The following HOXC6 variants were observed in gnomAD, a reference collection of about 807,000 sequenced individuals.
The protein encoded by HOXC6 is homeobox C6.
Under a neutral mutation model 24.0 loss-of-function variants are expected in HOXC6, and 10 were observed. The observed-to-expected ratio is 0.42, with a 90% CI of 0.26 to 0.71. The LOEUF is 0.71. Among genes scored for constraint, HOXC6 ranks in the 30% least tolerant of loss-of-function variants. The pLI is 0.28. For synonymous variants in HOXC6, 123 were observed against 128.1 expected (o/e 0.96, Z 0.27); for missense variants, 258 against 303.4 (o/e 0.85, Z 1.11).
upstream of HOXC6, among the ~76,000 whole-genome samples, chr12:54,026,129 G>T (rs1294063290): frequency 6.6e-6 from 1 of 152,066 alleles, no homozygotes; most frequent in Non-Finnish European, 1.5e-5. Context: ...ATTGGAGGGG[G>T]GGACAGAGTT....
chr12:54,023,400 G>C (rs186396434), intron 1 of HOXC6, among the ~76,000 whole-genome samples: 2 of 152,338 alleles, frequency 1.3e-5, no homozygotes, highest in African/African-American at 4.8e-5. Context: ...AGGTCAGGCA[G>C]AAATCTGGAA....
chr12:54,017,489 T>C (rs1028649724), intron 1 of HOXC6: 14 of 151,676 alleles, frequency 9.2e-5, no homozygotes, highest in African/African-American at 3.4e-4. Context: ...AGCAGCGGCT[T>C]CTCTTGGTTA....
At chr12:54,026,633 T>C (rs1440669073), upstream of HOXC6, among the ~76,000 whole-genome samples, 1 of 152,182 alleles carries the variant, frequency 6.6e-6, no homozygotes, top group Non-Finnish European at 1.5e-5. Context: ...CTGTATTTTC[T>C]AAAACCAACA....
upstream of HOXC6, among the ~76,000 whole-genome samples, chr12:54,026,435 A>C (rs1257444365): frequency 6.6e-6 from 1 of 152,160 alleles, no homozygotes; most frequent in Non-Finnish European, 1.5e-5. Context: ...CTGCCAAGTC[A>C]CCCCAAAAAT....
At chr12:54,028,317 A>T, upstream of HOXC6, 1 of 531,598 alleles carries the variant, frequency 1.9e-6, no homozygotes, top group Non-Finnish European at 3.3e-6. Context: ...ACTTAGTCTC[A>T]ACTAGGGAAT....
chr12:54,028,608 C>T lies in HOXC6; in HGVS notation c.87C>T (p.Thr29=), dbSNP rs756893125. Residue 29 remains threonine (T), a synonymous_variant, in exon 1 of 2, where the codon ACC becomes ACT. Coordinates refer to ENST00000243108, the MANE Select transcript of HOXC6 (RefSeq NM_004503.4). ...TCCCCAACGTCGCCCTCAATTCCAC[C>T]GCCTATGATCCAGTGAGGCATTTCT... ...DVLPNVALNS[T]AYDPVRHFST... 1.2e-6 allele frequency: 2 copies of T among 1,614,148 alleles called. No individual in the cohort carries two copies. Among genetic ancestry groups the T allele is most frequent in the East Asian group, 2.2e-5 (1 of 44,878 alleles).
intron 1 of HOXC6, among the ~76,000 whole-genome samples, chr12:54,023,080 C>A (rs140525985): frequency 6.6e-5 from 10 of 152,188 alleles, no homozygotes; most frequent in Non-Finnish European, 2.9e-5. Context: ...CATCTAAGCT[C>A]TCTCCCCATT....
upstream of HOXC6, among the ~76,000 whole-genome samples, chr12:54,024,027 T>G (rs2136426078): frequency 6.6e-6 from 1 of 152,330 alleles, no homozygotes; most frequent in East Asian, 1.9e-4. Context: ...TTTTAATTTC[T>G]AAATAAAAAA....
chr12:54,017,508 A>T (rs966494793), intron 1 of HOXC6: 3 of 148,042 alleles, frequency 2.0e-5, no homozygotes, highest in Admixed American at 2.0e-4. Flanking sequence ...TAGGGAGAAG[A>T]GGGGGCTGGC....
At chr12:54,024,352 C>G (rs1308921867), upstream of HOXC6, among the ~76,000 whole-genome samples, 1 of 152,140 alleles carries the variant, frequency 6.6e-6, no homozygotes, top group African/African-American at 2.4e-5. Context: ...GGTCCCCGAG[C>G]AGCCTCAGGA....
chr12:54,030,742 T>C lies in HOXC6; in HGVS notation c.*780T>C, dbSNP rs1282631558. 1 of 152,622 alleles carries C rather than the reference T, an allele frequency of 6.6e-6. No homozygotes were observed. Among genetic ancestry groups the C allele is most frequent in the Non-Finnish European group, 1.5e-5 (1 of 68,044 alleles). 9.5% of individuals were successfully genotyped at this position (152,622 alleles called of 1,614,324 possible). ...AAAATAAATAAATAAATAAATCCCT[T>C]CGTGTTACCCTCCTGTATAAATCCA... is the stretch of plus-strand genomic sequence containing the variant. On this transcript the variant is annotated 3_prime_UTR_variant, in exon 2 of 2. Coordinates refer to ENST00000243108, the MANE Select transcript of HOXC6 (RefSeq NM_004503.4).
intron 1 of HOXC6, chr12:54,020,474 C>T (rs1940387549): frequency 6.6e-6 from 1 of 152,198 alleles, no homozygotes; most frequent in South Asian, 2.1e-4. Flanking sequence ...AGAATGCGAC[C>T]TTGTTTGGAG....
chr12:54,023,469 C>A (rs746787719), upstream of HOXC6, among the ~76,000 whole-genome samples: 1 of 152,182 alleles, frequency 6.6e-6, no homozygotes, highest in African/African-American at 2.4e-5. Context: ...ATATACCTTT[C>A]TTCTCCGTTT....
chr12:54,029,224 C>A (rs1592232538), intron 1 of HOXC6, among the ~76,000 whole-genome samples: 1 of 151,982 alleles, frequency 6.6e-6, no homozygotes, highest in East Asian at 1.9e-4. Flanking sequence ...TGGAGTCAGT[C>A]TGAGGAGAAG....
intron 1 of HOXC6, among the ~76,000 whole-genome samples, chr12:54,018,947 G>C (rs935412843): frequency 5.9e-5 from 9 of 152,174 alleles, no homozygotes; most frequent in Admixed American, 3.9e-4. Context: ...TCGCCTGTGG[G>C]GGGGCGGGGA....
chr12:54,025,822 G>C (rs896460639), upstream of HOXC6, among the ~76,000 whole-genome samples: 2 of 151,930 alleles, frequency 1.3e-5, no homozygotes, highest in African/African-American at 4.8e-5. Flanking sequence ...CCCAACTTTG[G>C]GGCCCCTTTC....
At chr12:54,017,977 C>T (rs545349272) in intron 1 of HOXC6, among the ~76,000 whole-genome samples, 2 of 152,186 alleles carry the variant, frequency 1.3e-5, no homozygotes, top group Admixed American at 6.5e-5. Flanking sequence ...GCCGGGCCGC[C>T]GAGCAGGAAG....
In HOXC6 at chr12:54,029,787, T is replaced by C. The variant is rs1940911121; in HGVS notation, c.533T>C (p.Leu178Pro). Residue 178 changes from leucine (L) to proline (P), a missense_variant, in exon 2 of 2, where the codon CTT (leucine) becomes CCT (proline). Coordinates refer to ENST00000243108, the MANE Select transcript of HOXC6 (RefSeq NM_004503.4). ...RRRRIEIANA[L>P]CLTERQIKIW... The stretch of plus-strand genomic sequence containing the variant: ...CGGCGCATCGAGATCGCCAACGCGC[T>C]TTGCCTGACCGAGCGACAGATCAAA... 6.2e-7 allele frequency: 1 copy of C among 1,613,816 alleles called. No individual in the cohort carries two copies. The highest frequency in any genetic ancestry group is 1.1e-5 in the South Asian group (1 of 91,070).
At position 54,029,872 on chromosome 12, in the gene HOXC6, C is replaced by T. The variant is rs1378942180; in HGVS notation, c.618C>T (p.Leu206=). ...AAGAATCTAATCTCACATCCACTCT[C>T]TCGGGGGGCGGCGGAGGGGCCACCG... ...WKKESNLTST[L]SGGGGGATAD... Residue 206 remains leucine (L), a synonymous_variant, in exon 2 of 2, where the codon CTC becomes CTT. Coordinates refer to ENST00000243108, the MANE Select transcript of HOXC6 (RefSeq NM_004503.4). 1.3e-5 allele frequency: 21 copies of T among 1,612,848 alleles called. No homozygotes were observed. The highest frequency in any genetic ancestry group is 1.8e-5 in the Non-Finnish European group (21 of 1,179,366).
Sources: allele counts gnomAD v4.1 joint callset (sites outside exome capture counted in the v4.1 genomes callset), GRCh38; gene constraint gnomAD v4.1.1; transcripts MANE v1.5; gene names NCBI Gene and HGNC (gene_info 2026-07-23, HGNC 2026-07-21).